NRG1: variants seen among roughly 807,000 people sequenced by gnomAD.
The protein encoded by NRG1 is pro-neuregulin-1, membrane-bound isoform.
In NRG1, 18 loss-of-function variants were observed where a neutral mutation model predicts 63.8. The ratio of observed to expected loss-of-function variants is 0.28; its 90% CI spans 0.19 to 0.42. The LOEUF (loss-of-function observed/expected upper bound fraction) is 0.42, where lower values mean the gene tolerates loss of function less well. Ranked by LOEUF, NRG1 falls within the 10% of genes least tolerant of loss-of-function variation. NRG1 has a pLI of 1.00. For synonymous variants in NRG1, 302 were observed against 301.3 expected (o/e 1.00, Z -0.02); for missense variants, 762 against 814.7 (o/e 0.94, Z 0.79).
chr8:31,708,891 C>T (rs1811445871), intron 1 of NRG1, among the ~76,000 whole-genome samples: 1 of 152,114 alleles, frequency 6.6e-6, no homozygotes, highest in African/African-American at 2.4e-5. Flanking sequence ...TGAAAATCTG[C>T]ATATAATTTT....
intron 1 of NRG1, among the ~76,000 whole-genome samples, chr8:31,962,173 C>A (rs1187117616): frequency 6.6e-6 from 1 of 152,120 alleles, no homozygotes; most frequent in Non-Finnish European, 1.5e-5. Context: ...GTTTGAAAAA[C>A]CGCAGTCTCC....
At chr8:32,237,246 A>G (rs1847658118) in intron 1 of NRG1, among the ~76,000 whole-genome samples, 1 of 152,164 alleles carries the variant, frequency 6.6e-6, no homozygotes. Context: ...CTTGAAAGAG[A>G]GCAAAACATA....
Position 32,282,006 on chromosome 8 carries a change from A to C in NRG1, c.38-313822A>C, listed in dbSNP as rs184140359. On this transcript the variant is annotated intron_variant, in intron 1 of 10. Transcript: ENST00000519301. ...CTGAGGCTTTAAGCTTCAAGTCAAG[A>C]AAAACAACTGCCTTTCTGAAAACTT... 6.7e-4 allele frequency among the ~76,000 whole-genome samples: 102 copies of C among 152,238 alleles called. 1 individual carries two copies. The highest frequency in any genetic ancestry group is 4.0e-3 in the Admixed American group (61 of 15,224).
chr8:31,733,742 C>T (rs1814355594), intron 1 of NRG1, among the ~76,000 whole-genome samples: 2 of 152,142 alleles, frequency 1.3e-5, no homozygotes, highest in Admixed American at 1.3e-4. Flanking sequence ...CACCATGTCC[C>T]TGATTTGTAT....
chr8:32,767,196 A>G (rs987300125), exon 12 of NRG1: 2 of 152,120 alleles, frequency 1.3e-5, no homozygotes, highest in African/African-American at 4.8e-5. Context: ...TCTAGTTTCT[A>G]CAAAATGGTC....
Position 31,875,040 on chromosome 8 carries a change from C to A in NRG1, c.37+235609C>A, listed in dbSNP as rs141122420. Among the ~76,000 whole-genome samples the A allele has an allele frequency of 3.5e-3, 530 of 152,290 alleles. 5 individuals carry two copies. Among genetic ancestry groups the A allele is most frequent in the African/African-American group, 0.012 (514 of 41,550 alleles). ...TGTCATTTTCATAGTTGCCAGCACC[C>A]TTTTCCAGGAAAACAAAGAGAGTGG... On this transcript the variant is annotated intron_variant, in intron 1 of 10. Transcript: ENST00000519301.
At chr8:31,762,525 T>C (rs1817660843) in intron 1 of NRG1, among the ~76,000 whole-genome samples, 1 of 152,226 alleles carries the variant, frequency 6.6e-6, no homozygotes, top group East Asian at 1.9e-4. Flanking sequence ...TGTGTCTTTA[T>C]AGTAGAATGA....
At chr8:31,827,762 G>C (rs1257611644) in intron 1 of NRG1, among the ~76,000 whole-genome samples, 1 of 152,120 alleles carries the variant, frequency 6.6e-6, no homozygotes, top group Non-Finnish European at 1.5e-5. Context: ...TTGAAAGTCT[G>C]GCTTTCATTG....
chr8:32,640,247 A>T (rs974966256), intron 5 of NRG1, among the ~76,000 whole-genome samples: 3 of 140,798 alleles, frequency 2.1e-5, no homozygotes, highest in African/African-American at 5.7e-5. Context: ...TCTTTTTGTC[A>T]CACACACACA....
intron 1 of NRG1, among the ~76,000 whole-genome samples, chr8:31,906,297 G>A (rs1232148766): frequency 6.6e-6 from 1 of 152,180 alleles, no homozygotes; most frequent in Non-Finnish European, 1.5e-5. Context: ...CAGAGCATGT[G>A]ACACAAATGA....
At chr8:32,021,844 T>C (rs532613056) in intron 1 of NRG1, among the ~76,000 whole-genome samples, 1 of 152,212 alleles carries the variant, frequency 6.6e-6, no homozygotes, top group African/African-American at 2.4e-5. Context: ...TTGCACAACA[T>C]AGTGAAAATA....
At chr8:32,425,896 A>G (rs151308789) in intron 1 of NRG1, among the ~76,000 whole-genome samples, 2 of 152,298 alleles carry the variant, frequency 1.3e-5, no homozygotes, top group African/African-American at 4.8e-5. Context: ...GCTGAGAGCT[A>G]GAATACAGAA....
chr8:32,352,357 GTCT>G (rs1180947032), intron 1 of NRG1, among the ~76,000 whole-genome samples: 1 of 151,514 alleles, frequency 6.6e-6, no homozygotes, highest in Non-Finnish European at 1.5e-5. Flanking sequence ...TTTGCACTTT[GTCT>G]TCTTCTTGAC....
intron 7 of NRG1, chr8:32,749,611 G>A: frequency 6.2e-7 from 1 of 1,611,514 alleles, no homozygotes; most frequent in Non-Finnish European, 8.5e-7. Context: ...ATTCCTTTTA[G>A]CCTGCAGAAT....
intron 1 of NRG1, among the ~76,000 whole-genome samples, chr8:32,027,488 A>C (rs1817631043): frequency 1.8e-5 from 1 of 56,546 alleles, no homozygotes; most frequent in African/African-American, 9.2e-5. Context: ...CTCCCTCCCT[A>C]ATCTAGGAGG....
intron 1 of NRG1, among the ~76,000 whole-genome samples, chr8:32,392,936 C>T (rs146422654): frequency 6.6e-6 from 1 of 152,248 alleles, no homozygotes; most frequent in Non-Finnish European, 1.5e-5. Context: ...TGTAGAGTAA[C>T]TGCTCCCATT....
chr8:31,799,051 A>T (rs1268229880), intron 1 of NRG1, among the ~76,000 whole-genome samples: 1 of 152,130 alleles, frequency 6.6e-6, no homozygotes, highest in Admixed American at 6.5e-5. Flanking sequence ...ATTCTCTTGA[A>T]ATATATTTGG....
intron 1 of NRG1, among the ~76,000 whole-genome samples, chr8:32,223,620 G>A (rs1563924957): frequency 6.6e-6 from 1 of 152,154 alleles, no homozygotes; most frequent in African/African-American, 2.4e-5. Context: ...CACATCTGAT[G>A]CACTGTTGTG....
rs1243924451 is a variant in NRG1, at chr8:32,693,094, G to A, written c.503-34855G>A. ...TCCTAAGGAAGAGACTGGAGTGAGG[G>A]TTGCTGTTTGCACATACATAAAATC... On this transcript the variant is annotated intron_variant, in intron 5 of 11. Coordinates refer to ENST00000356819, the Ensembl canonical transcript of NRG1. Among the ~76,000 whole-genome samples, 5 of 152,262 alleles carry A rather than the reference G, an allele frequency of 3.3e-5. No individual in the cohort carries two copies. The South Asian group carries it at 1.0e-3, about 32-fold the overall frequency.
Sources: allele counts gnomAD v4.1 joint callset (sites outside exome capture counted in the v4.1 genomes callset), GRCh38; gene constraint gnomAD v4.1.1; transcripts MANE v1.5; gene names NCBI Gene and HGNC (gene_info 2026-07-23, HGNC 2026-07-21).